Variants in NCKAP5 observed in about 807,000 individuals in gnomAD.
NCKAP5 encodes the protein NCK associated protein 5.
Under a neutral mutation model 167.0 loss-of-function variants are expected in NCKAP5, and 92 were observed. The observed-to-expected ratio is 0.55, with a 90% CI of 0.47 to 0.66. The LOEUF (loss-of-function observed/expected upper bound fraction) is 0.66, where lower values mean the gene tolerates loss of function less well. NCKAP5 is among the 30% of genes least tolerant of loss of function. The probability of loss-of-function intolerance (pLI) is 0.00; values close to 1 mark genes in which losing one functional copy is unlikely to be tolerated. For synonymous variants in NCKAP5, 891 were observed against 877.4 expected, an observed-to-expected ratio of 1.02 and a Z score of -0.27; for missense variants, 2,378 against 2,315.0, an observed-to-expected ratio of 1.03 and a Z score of -0.56.
At chr2:133,629,076 G>GGCA in the NCKAP5 span, among the ~76,000 whole-genome samples, 1 of 152,288 alleles carries the variant, frequency 6.6e-6, no homozygotes, top group Non-Finnish European at 1.5e-5. Flanking sequence ...CATAGGCACA[G>GGCA]GCAAAGATTT....
chr2:132,833,795 T>C (rs1256173196), intron 11 of NCKAP5, among the ~76,000 whole-genome samples: 1 of 152,222 alleles, frequency 6.6e-6, no homozygotes, highest in African/African-American at 2.4e-5. Context: ...GGTAATGTGA[T>C]GCTTCCAGCT....
At chr2:133,075,343 A>C (rs189529648) in intron 6 of NCKAP5, among the ~76,000 whole-genome samples, 13 of 152,322 alleles carry the variant, frequency 8.5e-5, no homozygotes, top group Non-Finnish European at 1.6e-4. Context: ...GCCTGTTCTA[A>C]AAGAAATGCT....
chr2:133,615,975 C>G, the NCKAP5 span, among the ~76,000 whole-genome samples: 1 of 150,040 alleles, frequency 6.7e-6, no homozygotes, highest in Middle Eastern at 3.2e-3. Context: ...TGCAATCAAA[C>G]TAGAACTCAG....
chr2:133,166,204 G>C (rs796822900), intron 5 of NCKAP5, among the ~76,000 whole-genome samples: 1 of 152,250 alleles, frequency 6.6e-6, no homozygotes, highest in African/African-American at 2.4e-5. Context: ...ATTCCACAGA[G>C]AAGGAACCCT....
chr2:133,420,023 C>T (rs909282780), intron 3 of NCKAP5, among the ~76,000 whole-genome samples: 1 of 152,152 alleles, frequency 6.6e-6, no homozygotes, highest in Non-Finnish European at 1.5e-5. Context: ...CATTTCTGTC[C>T]ATTTCTGCTG....
At chr2:132,741,508 C>T (rs1376811690) in intron 16 of NCKAP5, among the ~76,000 whole-genome samples, 1 of 152,018 alleles carries the variant, frequency 6.6e-6, no homozygotes, top group Non-Finnish European at 1.5e-5. Flanking sequence ...ACTCCTAGGT[C>T]CTGTTTTAAG....
At chr2:132,976,821 G>C (rs1436552236) in intron 7 of NCKAP5, among the ~76,000 whole-genome samples, 1 of 151,748 alleles carries the variant, frequency 6.6e-6, no homozygotes, top group Non-Finnish European at 1.5e-5. Flanking sequence ...TTCTATCTCT[G>C]TTCTCTAGAT....
intron 8 of NCKAP5, among the ~76,000 whole-genome samples, chr2:132,926,402 T>A (rs1201273161): frequency 6.6e-6 from 1 of 152,228 alleles, no homozygotes; most frequent in Non-Finnish European, 1.5e-5. Context: ...GTGGAATTGC[T>A]GGGTCAAATG....
intron 15 of NCKAP5, among the ~76,000 whole-genome samples, chr2:132,774,508 T>C (rs1682377601): frequency 6.6e-6 from 1 of 152,090 alleles, no homozygotes. Flanking sequence ...ACATTCCCTC[T>C]TATATTTCAG....
intron 16 of NCKAP5, among the ~76,000 whole-genome samples, chr2:132,762,454 C>G (rs1469303817): frequency 6.6e-6 from 1 of 152,208 alleles, no homozygotes; most frequent in Non-Finnish European, 1.5e-5. Context: ...AGGAACTGCA[C>G]AAAATCGGGT....
At chr2:133,088,354 CT>C (rs2081064489) in intron 6 of NCKAP5, among the ~76,000 whole-genome samples, 1 of 152,072 alleles carries the variant, frequency 6.6e-6, no homozygotes. Context: ...CCAGTCTTAC[CT>C]CATTTGTCCC....
At chr2:132,827,928 A>G (rs1303080266) in intron 11 of NCKAP5, among the ~76,000 whole-genome samples, 1 of 152,226 alleles carries the variant, frequency 6.6e-6, no homozygotes, top group Non-Finnish European at 1.5e-5. Context: ...ACCTGCTGGT[A>G]GTCCTTAGGG....
At chr2:132,888,906 A>G (rs1324477566) in intron 8 of NCKAP5, among the ~76,000 whole-genome samples, 1 of 152,206 alleles carries the variant, frequency 6.6e-6, no homozygotes, top group Admixed American at 6.5e-5. Context: ...ATCTTCTTGA[A>G]TCTAGACTGG....
In NCKAP5 at chr2:132,793,830, T is replaced by G. The variant is rs113580151; in HGVS notation, c.909+2798A>C. ...TTTTCTACTGGGAAATTCTCCCACT[T>G]CCCCCACCTTGGAAAATCAATGTTT... On this transcript the variant is annotated intron_variant, in intron 12 of 19. Coordinates refer to ENST00000409261, the MANE Select transcript of NCKAP5 (RefSeq NM_207363.3). Among the ~76,000 whole-genome samples the G allele has an allele frequency of 2.0e-3, 309 of 152,164 alleles. 1 individual carries two copies. The highest frequency in any genetic ancestry group is 0.01 in the Middle Eastern group (3 of 294).
At chr2:133,284,697 G>C (rs2090045671) in intron 4 of NCKAP5, 2 of 152,202 alleles carry the variant, frequency 1.3e-5, no homozygotes, top group Admixed American at 1.3e-4. Context: ...CCAAACAGGA[G>C]CATAAGGGAC....
At chr2:133,396,015 C>G (rs1238327083) in intron 3 of NCKAP5, among the ~76,000 whole-genome samples, 1 of 152,062 alleles carries the variant, frequency 6.6e-6, no homozygotes. Context: ...TTTTCTTTCT[C>G]TTTCAACTTT....
intron 2 of NCKAP5, among the ~76,000 whole-genome samples, chr2:133,524,399 T>A (rs1446447661): frequency 6.6e-6 from 1 of 152,210 alleles, no homozygotes; most frequent in Non-Finnish European, 1.5e-5. Flanking sequence ...CTCAGGCTCA[T>A]CATTCAAAAT....
intron 3 of NCKAP5, among the ~76,000 whole-genome samples, chr2:133,333,369 A>G (rs1296404203): frequency 1.3e-5 from 2 of 152,124 alleles, no homozygotes; most frequent in African/African-American, 4.8e-5. Context: ...AAGGCTACGG[A>G]GTCACTGGGG....
At chr2:133,045,149 A>T (rs1211189776) in intron 6 of NCKAP5, among the ~76,000 whole-genome samples, 1 of 152,104 alleles carries the variant, frequency 6.6e-6, no homozygotes, top group Admixed American at 6.6e-5. Context: ...TGTTTGTAAG[A>T]GCCACAAAGA....
Sources: allele counts gnomAD v4.1 joint callset (sites outside exome capture counted in the v4.1 genomes callset), GRCh38; gene constraint gnomAD v4.1.1; transcripts MANE v1.5; gene names NCBI Gene and HGNC (gene_info 2026-07-23, HGNC 2026-07-21).